Variants in MALRD1 observed in about 807,000 individuals in gnomAD.
MALRD1 encodes the protein MAM and LDL receptor class A domain containing 1.
MALRD1 carries 247 observed loss-of-function variants against 242.1 expected under a neutral mutation model. The ratio of observed to expected loss-of-function variants is 1.02; its 90% CI spans 0.92 to 1.13. MALRD1 has a LOEUF of 1.13. Ranked by LOEUF, MALRD1 falls within the 50% of genes most tolerant of loss-of-function variation. The probability of loss-of-function intolerance (pLI) is 0.00; values close to 1 mark genes in which losing one functional copy is unlikely to be tolerated. For synonymous variants in MALRD1, 995 were observed against 866.6 expected (o/e 1.15, Z -2.60); for missense variants, 2,989 against 2,533.1 (o/e 1.18, Z -3.86).
At chr10:19,099,246 A>G (rs1836160536) in intron 4 of MALRD1, among the ~76,000 whole-genome samples, 1 of 152,078 alleles carries the variant, frequency 6.6e-6, no homozygotes, top group Admixed American at 6.5e-5. Context: ...TATAAAAAGT[A>G]ATTTATTGGG....
chr10:19,388,988 G>T (rs1056799069), intron 27 of MALRD1, among the ~76,000 whole-genome samples: 1 of 151,454 alleles, frequency 6.6e-6, no homozygotes, highest in Non-Finnish European at 1.5e-5. Flanking sequence ...ATATGTCAAT[G>T]TGCAAGAACA....
chr10:19,280,417 G>C (rs367613125), intron 20 of MALRD1, among the ~76,000 whole-genome samples, 194 bp downstream of exon 20: 1 of 152,166 alleles, frequency 6.6e-6, no homozygotes, highest in African/African-American at 2.4e-5. Flanking sequence ...GGCCCCGTAA[G>C]TGGTAAGTGT....
intron 14 of MALRD1, among the ~76,000 whole-genome samples, chr10:19,181,831 G>A (rs1171740469): frequency 6.6e-6 from 1 of 152,014 alleles, no homozygotes; most frequent in Non-Finnish European, 1.5e-5. Flanking sequence ...ACCTTATGCT[G>A]TATATCTTTA....
intron 14 of MALRD1, among the ~76,000 whole-genome samples, chr10:19,187,972 C>A (rs1313100212): frequency 6.6e-6 from 1 of 152,140 alleles, no homozygotes; most frequent in Non-Finnish European, 1.5e-5. Context: ...AATAAAAAGT[C>A]TTGAGGCAGG....
intron 18 of MALRD1, among the ~76,000 whole-genome samples, chr10:19,255,463 C>T (rs1452709222): frequency 2.6e-5 from 4 of 151,680 alleles, no homozygotes; most frequent in African/African-American, 7.3e-5. Context: ...AATAATTTAC[C>T]AAGCTTTTTT....
At chr10:19,389,674 C>T in intron 28 of MALRD1, 65 bp downstream of exon 28, 1 of 1,464,622 alleles carries the variant, frequency 6.8e-7, no homozygotes, top group South Asian at 1.4e-5. Context: ...GGGTCTTGCT[C>T]TGTCACTCAG....
At chr10:19,214,068 T>C (rs1394481416) in intron 18 of MALRD1, among the ~76,000 whole-genome samples, 1 of 152,198 alleles carries the variant, frequency 6.6e-6, no homozygotes, top group Non-Finnish European at 1.5e-5. Context: ...TACTTTTCTC[T>C]ATGCCTGTCC....
intron 38 of MALRD1, among the ~76,000 whole-genome samples, chr10:19,719,219 C>CATATATATATATATAT (rs1290415118): frequency 6.6e-5 from 2 of 30,342 alleles, no homozygotes; most frequent in Admixed American, 5.9e-4. Flanking sequence ...TATACACATA[C>CATATATATATATATAT]ATACATATAT....
intron 32 of MALRD1, among the ~76,000 whole-genome samples, chr10:19,558,353 A>C (rs1370616417): frequency 6.6e-6 from 1 of 152,142 alleles, no homozygotes; most frequent in Non-Finnish European, 1.5e-5. Flanking sequence ...TTTCACTATT[A>C]AGGATGATAT....
chr10:19,148,784 AAAAAATAT>A lies in MALRD1; in HGVS notation c.1558+2442_1558+2449del, dbSNP rs1190110642. On this transcript the variant is annotated intron_variant, in intron 11 of 39. Coordinates refer to ENST00000454679, the MANE Select transcript of MALRD1 (RefSeq NM_001142308.3). ...TAGAAAGGGCCAATTAAAAAAAAAA[AAAAAATAT>A]ATATATATATATATATATCTGGATC... is the stretch of plus-strand genomic sequence containing the variant. Among the ~76,000 whole-genome samples, 383 of 63,940 alleles carry A rather than the reference AAAAAATAT, an allele frequency of 6.0e-3. 3 individuals carry two copies. Among genetic ancestry groups the A allele is most frequent in the Non-Finnish European group, 7.8e-3 (213 of 27,214 alleles). The allele number at this position is 63,940 out of a possible 152,430, so 41.9% of individuals were successfully genotyped here.
At chr10:19,562,517 T>C (rs970337637) in intron 32 of MALRD1, among the ~76,000 whole-genome samples, 4 of 152,136 alleles carry the variant, frequency 2.6e-5, no homozygotes, top group Non-Finnish European at 5.9e-5. Context: ...GTTTAGGATT[T>C]TCTACCCTTG....
chr10:19,481,367 A>C (rs187120243), intron 29 of MALRD1, among the ~76,000 whole-genome samples: 10 of 152,268 alleles, frequency 6.6e-5, no homozygotes, highest in African/African-American at 1.7e-4. Flanking sequence ...GATAGACTTA[A>C]ATTATCATGG....
intron 28 of MALRD1, among the ~76,000 whole-genome samples, chr10:19,434,475 A>G (rs562264944): frequency 6.6e-6 from 1 of 152,148 alleles, no homozygotes; most frequent in Non-Finnish European, 1.5e-5. Flanking sequence ...TAATTAACAT[A>G]TATATAAACT....
chr10:19,696,155 G>T lies in MALRD1; in HGVS notation c.6314+3601G>T, dbSNP rs372998555. Among the ~76,000 whole-genome samples, 92 of 152,216 alleles carry T rather than the reference G, an allele frequency of 6.0e-4. No individual in the cohort carries two copies. The South Asian group carries it at 0.014, about 23-fold the overall frequency. On this transcript the variant is annotated intron_variant, in intron 38 of 39. Transcript: ENST00000454679. ...TGCTGCATCTGCATGAAGGAACTCT[G>T]CAGGCTGGGCTCATGCAAGACTCAG...
At chr10:19,638,830 A>C (rs1404062589) in intron 36 of MALRD1, among the ~76,000 whole-genome samples, 3 of 152,216 alleles carry the variant, frequency 2.0e-5, no homozygotes, top group Non-Finnish European at 4.4e-5. Context: ...TCAAACCATA[A>C]GAGACATGTC....
chr10:19,718,874 A>G (rs1589439434), intron 38 of MALRD1, among the ~76,000 whole-genome samples: 1 of 151,858 alleles, frequency 6.6e-6, no homozygotes. Flanking sequence ...GGTTTTTAAA[A>G]TGTGCTGTTA....
intron 18 of MALRD1, among the ~76,000 whole-genome samples, chr10:19,211,273 C>T (rs1564470259): frequency 6.6e-6 from 1 of 152,040 alleles, no homozygotes; most frequent in Non-Finnish European, 1.5e-5. Flanking sequence ...TGTTGGGTTA[C>T]AAATGCAGTG....
chr10:19,445,448 A>G lies in MALRD1; in HGVS notation c.4846-4859A>G, dbSNP rs150260727. Among the ~76,000 whole-genome samples, 1,059 of 152,220 alleles carry G rather than the reference A, an allele frequency of 7.0e-3. 15 individuals carry two copies. Among genetic ancestry groups the G allele is most frequent in the Admixed American group, 0.024 (374 of 15,296 alleles). ...GGTTTCTCCCCATCTTTGTGGTTTT[A>G]TCTACCTTTGGTCTTTGATGATGGT... On this transcript the variant is annotated intron_variant, in intron 28 of 39. Coordinates refer to ENST00000454679, the MANE Select transcript of MALRD1 (RefSeq NM_001142308.3).
At chr10:19,267,947 T>C (rs1169727728) in intron 19 of MALRD1, among the ~76,000 whole-genome samples, 1 of 152,154 alleles carries the variant, frequency 6.6e-6, no homozygotes, top group Non-Finnish European at 1.5e-5. Flanking sequence ...TGCGATATGT[T>C]CAATTAACAG....
Sources: allele counts gnomAD v4.1 joint callset (sites outside exome capture counted in the v4.1 genomes callset), GRCh38; gene constraint gnomAD v4.1.1; transcripts MANE v1.5; gene names NCBI Gene and HGNC (gene_info 2026-07-23, HGNC 2026-07-21).